Variants in SLC25A29 observed in about 807,000 individuals in gnomAD.
SLC25A29 encodes solute carrier family 25 member 29.
SLC25A29 carries 13 observed loss-of-function variants against 10.0 expected under a neutral mutation model. The ratio of observed to expected loss-of-function variants is 1.30; its 90% CI spans 0.85 to 2.07. The LOEUF is 2.07. Among genes scored for constraint, SLC25A29 ranks in the 30% most tolerant of loss-of-function variants. The pLI, the probability that SLC25A29 is intolerant of heterozygous loss-of-function variation, is 0.00. For synonymous variants in SLC25A29, 244 were observed against 221.1 expected, an observed-to-expected ratio of 1.10 and a Z score of -0.92; for missense variants, 475 against 447.6, an observed-to-expected ratio of 1.06 and a Z score of -0.55.
At chr14:100,295,667 G>T in intron 2 of SLC25A29, 1 of 1,289,552 alleles carries the variant, frequency 7.8e-7, no homozygotes, top group Non-Finnish European at 1.0e-6. Flanking sequence ...CTACAACAAA[G>T]TTACACTTTT....
chr14:100,302,309 G>A (rs184713867), intron 1 of SLC25A29, among the ~76,000 whole-genome samples: 140 of 151,398 alleles, frequency 9.2e-4, no homozygotes, highest in African/African-American at 3.2e-3. Context: ...GCCTCCCAAA[G>A]TGCTGGGATT....
intron 2 of SLC25A29, chr14:100,298,539 G>T (rs886794869): frequency 1.0e-5 from 5 of 491,794 alleles, no homozygotes; most frequent in African/African-American, 9.8e-5. Flanking sequence ...TTTCTTTCAA[G>T]GAACTGTTTG....
chr14:100,305,638 C>G (rs8012208), intron 1 of SLC25A29: 47,686 of 149,116 alleles, frequency 0.32, 7,848 homozygotes, highest in South Asian at 0.39. Flanking sequence ...CCACCACCCC[C>G]CTTCCGCCCC....
chr14:100,299,029 G>C (rs943963399), intron 1 of SLC25A29, 144 bp from the exon 2 acceptor site: 2 of 1,464,404 alleles, frequency 1.4e-6, no homozygotes, highest in Non-Finnish European at 1.8e-6. Flanking sequence ...GGGTGCAGCA[G>C]GCAGATCCCA....
Position 100,306,196 on chromosome 14 carries a change from T to C in SLC25A29, c.34+3A>G. The C allele has an allele frequency of 1.3e-6, 2 of 1,503,104 alleles. No homozygotes were observed. Among genetic ancestry groups the C allele is most frequent in the Non-Finnish European group, 1.8e-6 (2 of 1,133,338 alleles). 93.1% of individuals were successfully genotyped at this position (1,503,104 alleles called of 1,614,324 possible). ...GGCCCGGCCCGGCCCGCCGCCTCCT[T>C]ACCCCCCGCGCATCCAGCCAAGAAG... On this transcript the variant is annotated splice_donor_region_variant and intron_variant, in intron 1 of 3. Coordinates refer to ENST00000359232, the MANE Select transcript of SLC25A29 (RefSeq NM_001039355.3).
At chr14:100,302,607 A>G (rs1892638352) in intron 1 of SLC25A29, among the ~76,000 whole-genome samples, 1 of 151,422 alleles carries the variant, frequency 6.6e-6, no homozygotes, top group African/African-American at 2.4e-5. Context: ...CACCCATCTC[A>G]GCCTCCCGAA....
At chr14:100,280,693 C>T in the SLC25A29 span, 1 of 152,038 alleles carries the variant, frequency 6.6e-6, no homozygotes, top group African/African-American at 2.4e-5. Context: ...ATAGTGTGCG[C>T]AATACCTGTC....
the SLC25A29 span, chr14:100,280,804 A>G: frequency 6.6e-6 from 1 of 152,100 alleles, no homozygotes; most frequent in Non-Finnish European, 1.5e-5. Flanking sequence ...GAGTGCGTAC[A>G]TTGGAGGACT....
intron 2 of SLC25A29, chr14:100,296,428 CA>C (rs556790241): frequency 4.0e-4 from 67 of 167,082 alleles, no homozygotes; most frequent in Middle Eastern, 2.7e-3. Context: ...GACCGTGTCT[CA>C]AAAAAAAAGG....
intron 1 of SLC25A29, among the ~76,000 whole-genome samples, chr14:100,301,010 C>T (rs923023754): frequency 2.6e-5 from 4 of 152,128 alleles, no homozygotes; most frequent in African/African-American, 9.7e-5. Context: ...TGCCATTCTC[C>T]TGCCTCAGCC....
the SLC25A29 span, among the ~76,000 whole-genome samples, chr14:100,284,648 C>A: frequency 6.6e-6 from 1 of 152,212 alleles, no homozygotes; most frequent in Non-Finnish European, 1.5e-5. Flanking sequence ...CTGATTCGAT[C>A]AATGCAATTA....
At chr14:100,293,479 G>A (rs1233319812) in intron 2 of SLC25A29, 102 bp from the exon 3 acceptor site, 8 of 980,096 alleles carry the variant, frequency 8.2e-6, no homozygotes, top group South Asian at 1.4e-5. Flanking sequence ...CAAGGAGGCC[G>A]GGCACTCAGG....
At chr14:100,285,815 C>T in the SLC25A29 span, among the ~76,000 whole-genome samples, 2 of 152,102 alleles carry the variant, frequency 1.3e-5, no homozygotes, top group Non-Finnish European at 2.9e-5. Flanking sequence ...GACGCCCCCC[C>T]TTCCCCCCGG....
chr14:100,306,148 TC>T, intron 1 of SLC25A29, 50 bp downstream of exon 1: 2 of 1,348,708 alleles, frequency 1.5e-6, no homozygotes, highest in South Asian at 1.5e-5. Context: ...TGGGCCGACC[TC>T]CCTCCCCGGA....
chr14:100,294,968 G>GA (rs988687608), intron 2 of SLC25A29: 3 of 152,356 alleles, frequency 2.0e-5, no homozygotes, highest in African/African-American at 7.2e-5. Flanking sequence ...CCTCTGGGGG[G>GA]ATCTCTGTTC....
the SLC25A29 span, among the ~76,000 whole-genome samples, chr14:100,285,957 G>T: frequency 6.6e-6 from 1 of 152,086 alleles, no homozygotes; most frequent in Non-Finnish European, 1.5e-5. Context: ...TCCAAGCTGG[G>T]GATGCTTTTC....
chr14:100,284,513 C>T, the SLC25A29 span, among the ~76,000 whole-genome samples: 1 of 152,218 alleles, frequency 6.6e-6, no homozygotes, highest in African/African-American at 2.4e-5. Context: ...CCCGCCGACC[C>T]TCAGAGCCCA....
chr14:100,303,799 G>A (rs1440569822), intron 1 of SLC25A29, among the ~76,000 whole-genome samples: 2 of 152,136 alleles, frequency 1.3e-5, no homozygotes, highest in Non-Finnish European at 2.9e-5. Flanking sequence ...GGCGGGGTGG[G>A]GAGGAACCAC....
intron 2 of SLC25A29, among the ~76,000 whole-genome samples, chr14:100,296,991 G>A (rs899444775): frequency 2.6e-5 from 4 of 152,096 alleles, no homozygotes; most frequent in African/African-American, 9.7e-5. Context: ...GCTACCCAGG[G>A]GGTTGGGGGG....
Sources: allele counts gnomAD v4.1 joint callset (sites outside exome capture counted in the v4.1 genomes callset), GRCh38; gene constraint gnomAD v4.1.1; transcripts MANE v1.5; gene names NCBI Gene and HGNC (gene_info 2026-07-23, HGNC 2026-07-21).